The following IGF2BP3 variants were observed in gnomAD, a reference collection of about 807,000 sequenced individuals.
The protein encoded by IGF2BP3 is insulin like growth factor 2 mRNA binding protein 3.
In IGF2BP3, 9 loss-of-function variants were observed where a neutral mutation model predicts 73.8. That is an observed-to-expected ratio of 0.12 (90% CI 0.07 to 0.21). The LOEUF (loss-of-function observed/expected upper bound fraction) is 0.21, where lower values mean the gene tolerates loss of function less well. IGF2BP3 is among the 10% of genes least tolerant of loss of function. The pLI is 1.00. For missense variants in IGF2BP3, 542 were observed against 714.0 expected (o/e 0.76, Z 2.75); for synonymous variants, 258 against 256.7 (o/e 1.01, Z -0.05).
At chr7:23,395,840 T>C (rs1394019817) in intron 3 of IGF2BP3, among the ~76,000 whole-genome samples, 2 of 151,774 alleles carry the variant, frequency 1.3e-5, no homozygotes, top group East Asian at 1.9e-4. Context: ...GCAGGAGAAC[T>C]GCTTGAACCT....
intron 3 of IGF2BP3, among the ~76,000 whole-genome samples, chr7:23,410,970 A>T (rs1446446800): frequency 7.9e-5 from 12 of 152,320 alleles, no homozygotes; most frequent in African/African-American, 2.6e-4. Flanking sequence ...AAACGTGTTA[A>T]TTCAGTACCC....
At chr7:23,363,991 C>T (rs1022890848) in intron 3 of IGF2BP3, among the ~76,000 whole-genome samples, 14 of 152,270 alleles carry the variant, frequency 9.2e-5, no homozygotes, top group Non-Finnish European at 1.8e-4. Flanking sequence ...GTAATCCCAG[C>T]ACTTTGGGAA....
intron 3 of IGF2BP3, among the ~76,000 whole-genome samples, chr7:23,411,223 C>T (rs1468802336): frequency 6.6e-6 from 1 of 152,242 alleles, no homozygotes; most frequent in Non-Finnish European, 1.5e-5. Flanking sequence ...ACTGTTTCTA[C>T]AGATGTTTTC....
chr7:23,371,468 A>G (rs1203564364), intron 3 of IGF2BP3, among the ~76,000 whole-genome samples: 2 of 152,212 alleles, frequency 1.3e-5, no homozygotes, highest in South Asian at 2.1e-4. Flanking sequence ...TGCAGGTTCC[A>G]AATAATCATT....
At chr7:23,439,034 G>A (rs966051637) in intron 2 of IGF2BP3, among the ~76,000 whole-genome samples, 1 of 152,020 alleles carries the variant, frequency 6.6e-6, no homozygotes, top group Admixed American at 6.6e-5. Flanking sequence ...CTTCAGTCCA[G>A]GAGCTAAAGA....
In IGF2BP3 at chr7:23,346,806, T is replaced by C. The variant is rs191904207; in HGVS notation, c.819-744A>G. 8.9e-3 allele frequency among the ~76,000 whole-genome samples: 1,351 copies of C among 152,232 alleles called. 20 individuals are homozygous for C. The highest frequency in any genetic ancestry group is 0.031 in the African/African-American group (1,269 of 41,556). ...CGGGGTTTCACCATGTTGGCCAGGATGGTCTTGATCTCTTGACCTCATGAT... is the reference window on the plus strand; with the variant it reads ...CGGGGTTTCACCATGTTGGCCAGGACGGTCTTGATCTCTTGACCTCATGAT... On this transcript the variant is annotated intron_variant, in intron 7 of 14. Coordinates refer to ENST00000258729, the MANE Select transcript of IGF2BP3 (RefSeq NM_006547.3).
intron 3 of IGF2BP3, among the ~76,000 whole-genome samples, chr7:23,398,447 C>G (rs1410769689): frequency 6.6e-6 from 1 of 152,174 alleles, no homozygotes; most frequent in Non-Finnish European, 1.5e-5. Flanking sequence ...ATGGCTGGGT[C>G]AAATGGTATT....
intron 2 of IGF2BP3, among the ~76,000 whole-genome samples, chr7:23,420,076 ACCT>A (rs1422745692): frequency 1.3e-5 from 2 of 152,332 alleles, no homozygotes; most frequent in Admixed American, 1.3e-4. Context: ...CATGCCAGTC[ACCT>A]CCTTTGAAGG....
chr7:23,364,026 G>A (rs1785301212), intron 3 of IGF2BP3, among the ~76,000 whole-genome samples: 1 of 152,208 alleles, frequency 6.6e-6, no homozygotes. Context: ...ATCACCTGAG[G>A]TCAGGAGTTC....
chr7:23,375,538 T>C (rs530332613), intron 3 of IGF2BP3, among the ~76,000 whole-genome samples: 1 of 152,330 alleles, frequency 6.6e-6, no homozygotes, highest in Admixed American at 6.5e-5. Context: ...GCTTACTCCT[T>C]TAGCAGAAAG....
intron 3 of IGF2BP3, among the ~76,000 whole-genome samples, chr7:23,387,324 T>C: frequency 6.6e-6 from 1 of 152,132 alleles, no homozygotes; most frequent in African/African-American, 2.4e-5. Flanking sequence ...AGATCATCAA[T>C]AAGAAGGAGA....
chr7:23,463,176 A>G (rs1417545019), intron 2 of IGF2BP3, among the ~76,000 whole-genome samples: 2 of 152,222 alleles, frequency 1.3e-5, no homozygotes, highest in Non-Finnish European at 2.9e-5. Flanking sequence ...CTGAATGGAT[A>G]ACTCACACCT....
chr7:23,460,630 A>C (rs562444952), intron 2 of IGF2BP3, among the ~76,000 whole-genome samples: 3 of 152,226 alleles, frequency 2.0e-5, no homozygotes, highest in African/African-American at 7.2e-5. Context: ...TCTCTAACAT[A>C]TACATAAGTA....
chr7:23,393,135 A>G (rs924350858), intron 3 of IGF2BP3, among the ~76,000 whole-genome samples: 1 of 152,030 alleles, frequency 6.6e-6, no homozygotes, highest in Non-Finnish European at 1.5e-5. Context: ...CCAACTCAAG[A>G]TGTCTTCTGC....
intron 2 of IGF2BP3, among the ~76,000 whole-genome samples, chr7:23,447,900 G>A (rs1213876896): frequency 6.6e-6 from 1 of 152,132 alleles, no homozygotes; most frequent in East Asian, 1.9e-4. Flanking sequence ...AGGATCCCTT[G>A]AGTCCAGGAG....
chr7:23,459,839 A>G (rs1407443640), intron 2 of IGF2BP3, among the ~76,000 whole-genome samples: 1 of 151,834 alleles, frequency 6.6e-6, no homozygotes, highest in South Asian at 2.1e-4. Context: ...TCGAAAAAAG[A>G]AGAAGAACTG....
At chr7:23,347,047 T>C (rs1784846053) in intron 7 of IGF2BP3, among the ~76,000 whole-genome samples, 1 of 152,234 alleles carries the variant, frequency 6.6e-6, no homozygotes, top group African/African-American at 2.4e-5. Context: ...CTCCAGTGCC[T>C]TACTCTCGAT....
chr7:23,367,697 TAAA>T (rs200722165), intron 3 of IGF2BP3, among the ~76,000 whole-genome samples: 6 of 148,012 alleles, frequency 4.1e-5, no homozygotes, highest in African/African-American at 1.5e-4. Context: ...TCAGCCTTTT[TAAA>T]AAAAAAAAGT....
intron 12 of IGF2BP3, among the ~76,000 whole-genome samples, chr7:23,315,810 T>G (rs1053422538): frequency 3.9e-5 from 6 of 152,208 alleles, no homozygotes; most frequent in Non-Finnish European, 8.8e-5. Context: ...TCCTTAGATC[T>G]CTAAAGTAAA....
Sources: allele counts gnomAD v4.1 joint callset (sites outside exome capture counted in the v4.1 genomes callset), GRCh38; gene constraint gnomAD v4.1.1; transcripts MANE v1.5; gene names NCBI Gene and HGNC (gene_info 2026-07-23, HGNC 2026-07-21).